ALDH7A1: variants seen among roughly 807,000 people sequenced by gnomAD.
ALDH7A1 encodes aldehyde dehydrogenase 7 family member A1, also known as alpha-aminoadipic semialdehyde dehydrogenase.
In ALDH7A1, 63 loss-of-function variants were observed where a neutral mutation model predicts 79.9. The observed-to-expected ratio is 0.79, with a 90% CI of 0.64 to 0.97. The LOEUF (loss-of-function observed/expected upper bound fraction) is 0.97, where lower values mean the gene tolerates loss of function less well. ALDH7A1 is among the 50% of genes least tolerant of loss of function. The pLI, the probability that ALDH7A1 is intolerant of heterozygous loss-of-function variation, is 0.00. For synonymous variants in ALDH7A1, 240 were observed against 231.2 expected (o/e 1.04, Z -0.34); for missense variants, 627 against 665.2 (o/e 0.94, Z 0.63).
intron 7 of ALDH7A1, among the ~76,000 whole-genome samples, chr5:126,574,332 G>A (rs892700742): frequency 2.6e-5 from 4 of 151,408 alleles, no homozygotes; most frequent in African/African-American, 7.3e-5. Context: ...CCAGGGAGTC[G>A]GAGGTTGCCG....
At chr5:126,550,318 G>C in intron 14 of ALDH7A1, 25 bp from the exon 15 acceptor site, 1 of 1,546,666 alleles carries the variant, frequency 6.5e-7, no homozygotes. Context: ...ATTGGAAGCT[G>C]TAAGATGTTA....
chr5:126,574,753 G>A (rs1432730007), intron 7 of ALDH7A1, among the ~76,000 whole-genome samples: 1 of 151,662 alleles, frequency 6.6e-6, no homozygotes, highest in Non-Finnish European at 1.5e-5. Context: ...CTTGCCCACA[G>A]TCTCCACCCC....
At chr5:126,575,569 T>C (rs1750936827) in intron 6 of ALDH7A1, 105 bp from the exon 7 acceptor site, 2 of 1,018,878 alleles carry the variant, frequency 2.0e-6, no homozygotes, top group African/African-American at 3.3e-5. Context: ...AAAAGCTCTG[T>C]CCAATTAGAC....
intron 12 of ALDH7A1, 98 bp from the exon 13 acceptor site, chr5:126,554,491 T>C: frequency 1.1e-6 from 1 of 896,538 alleles, no homozygotes; most frequent in Non-Finnish European, 1.9e-6. Context: ...AATCCCTTCC[T>C]ATATGCTCTC....
At chr5:126,583,024 T>C (rs1751228125) in intron 4 of ALDH7A1, 50 bp from the exon 5 acceptor site, 1 of 1,608,894 alleles carries the variant, frequency 6.2e-7, no homozygotes, top group African/African-American at 1.3e-5. Flanking sequence ...ATTCACATTA[T>C]AAACATTAAA....
In ALDH7A1 at chr5:126,559,287, C is replaced by A. The variant is rs746212816; in HGVS notation, c.961G>T (p.Ala321Ser). The change falls in exon 11 of 18, where the codon GCT becomes TCT. Residue 321 changes from alanine to serine, a missense_variant. Ala to Ser is a moderately conservative substitution (Grantham distance 99). Transcript: ENST00000409134. ...LSLVVPSALFAAVGTAGQRCT... is the reference protein window; with the variant it reads ...LSLVVPSALFSAVGTAGQRCT... ...CTCTGGCCAGCTGTTCCCACAGCAG[C>A]GAAGAGAGCTGATGGAACAACTAAG... 2.5e-6 allele frequency: 4 copies of A among 1,613,894 alleles called. No individual in the cohort carries two copies. The South Asian group carries it at 3.3e-5, about 13-fold the overall frequency.
Position 126,584,817 on chromosome 5 carries a change from TA to T in ALDH7A1, c.313-806del, listed in dbSNP as rs948519193. ...CTTCCCGCTCTCTGGCTTAAATAGG[TA>T]GGTAGATGAAGTATAATTACTGGGA... is the stretch of plus-strand genomic sequence containing the variant. On this transcript the variant is annotated intron_variant, in intron 3 of 17. Coordinates refer to ENST00000409134, the MANE Select transcript of ALDH7A1 (RefSeq NM_001182.5). 1.8e-4 allele frequency among the ~76,000 whole-genome samples: 27 copies of T among 151,882 alleles called. 1 individual carries two copies. Among genetic ancestry groups the T allele is most frequent in the African/African-American group, 6.3e-4 (26 of 41,370 alleles).
chr5:126,545,371 C>T (rs1581350852), intron 17 of ALDH7A1, among the ~76,000 whole-genome samples: 1 of 151,802 alleles, frequency 6.6e-6, no homozygotes, highest in East Asian at 2.0e-4. Flanking sequence ...GCCTCCCAGG[C>T]TCAAGCGATT....
At chr5:126,571,286 T>G (rs532186600) in intron 7 of ALDH7A1, 62 of 223,202 alleles carry the variant, frequency 2.8e-4, no homozygotes, top group African/African-American at 1.4e-3. Flanking sequence ...AACACCAGCC[T>G]GGCCAACATG....
intron 9 of ALDH7A1, 25 bp from the exon 10 acceptor site, chr5:126,561,149 A>T (rs1409148980): frequency 1.3e-6 from 2 of 1,568,304 alleles, no homozygotes; most frequent in Non-Finnish European, 1.7e-6. Context: ...ATTATATATA[A>T]AAATTAATGC....
chr5:126,553,971 G>A (rs970700970), intron 13 of ALDH7A1, among the ~76,000 whole-genome samples: 1 of 151,578 alleles, frequency 6.6e-6, no homozygotes, highest in Non-Finnish European at 1.5e-5. Flanking sequence ...AGCTGGGTGT[G>A]GTGACATGCA....
chr5:126,556,367 C>A (rs576413788), intron 11 of ALDH7A1, among the ~76,000 whole-genome samples: 43 of 151,560 alleles, frequency 2.8e-4, no homozygotes, highest in African/African-American at 9.2e-4. Context: ...CTCAGCCTCC[C>A]GAGCAGCTGG....
chr5:126,593,308 A>ACACACAC, intron 2 of ALDH7A1, 43 bp downstream of exon 2: 1 of 1,545,992 alleles, frequency 6.5e-7, no homozygotes, highest in South Asian at 1.2e-5. Flanking sequence ...ATTTGAATTA[A>ACACACAC]ACACACACAC....
chr5:126,559,354 T>C lies in ALDH7A1; in HGVS notation c.914-20A>G, dbSNP rs1423710697. The stretch of plus-strand genomic sequence containing the variant: ...CAAAGGCTTAGGAAAGCACAAACAC[T>C]TCCATCAGCGAACCAAAACAGGTAG... On this transcript the variant is annotated intron_variant, in intron 10 of 17. Coordinates refer to ENST00000409134, the MANE Select transcript of ALDH7A1 (RefSeq NM_001182.5). 6.3e-7 allele frequency: 1 copy of C among 1,596,586 alleles called. No homozygotes were observed.
intron 3 of ALDH7A1, among the ~76,000 whole-genome samples, chr5:126,590,147 G>A (rs1459231563): frequency 2.0e-5 from 3 of 149,346 alleles, no homozygotes; most frequent in Admixed American, 6.7e-5. Context: ...GAGCGCCTCT[G>A]CCCGGCCGCC....
rs1044270111 is a variant in ALDH7A1 at position 126,543,216 on chromosome 5, CAA to C, written c.*1747_*1748del. ...TATCTGCTAAATCAGCAAAAAAGAA[CAA>C]AGAGGAACAAATTGAAGGCATATGT... On this transcript the variant is annotated 3_prime_UTR_variant, in exon 18 of 18. Coordinates refer to ENST00000409134, the MANE Select transcript of ALDH7A1 (RefSeq NM_001182.5). The C allele has an allele frequency of 7.2e-5, 11 of 151,766 alleles. No individual in the cohort carries two copies. Among genetic ancestry groups the C allele is most frequent in the Admixed American group, 3.3e-4 (5 of 15,278 alleles). The allele number at this position is 151,766 out of a possible 1,614,324, so 9.4% of individuals were successfully genotyped here.
At chr5:126,572,113 G>C (rs1401217045) in intron 7 of ALDH7A1, among the ~76,000 whole-genome samples, 1 of 152,186 alleles carries the variant, frequency 6.6e-6, no homozygotes, top group Non-Finnish European at 1.5e-5. Context: ...GAGGACCAAA[G>C]AGCAAAGGTT....
At chr5:126,584,839 T>C (rs928141832) in intron 3 of ALDH7A1, among the ~76,000 whole-genome samples, 2 of 151,968 alleles carry the variant, frequency 1.3e-5, no homozygotes, top group African/African-American at 4.8e-5. Context: ...GTATAATTAC[T>C]GGGATGAAGA....
At chr5:126,575,952 T>G (rs551182813) in intron 6 of ALDH7A1, among the ~76,000 whole-genome samples, 2 of 152,224 alleles carry the variant, frequency 1.3e-5, no homozygotes, top group East Asian at 1.9e-4. Context: ...AAAATATCAA[T>G]GCCCTGCAGG....
Sources: allele counts gnomAD v4.1 joint callset (sites outside exome capture counted in the v4.1 genomes callset), GRCh38; gene constraint gnomAD v4.1.1; transcripts MANE v1.5; gene names NCBI Gene and HGNC (gene_info 2026-07-23, HGNC 2026-07-21).